The following ZNF385B variants were observed in gnomAD, a reference collection of about 807,000 sequenced individuals.
ZNF385B encodes zinc finger protein 385B.
Under a neutral mutation model 39.2 loss-of-function variants are expected in ZNF385B, and 23 were observed. That is an observed-to-expected ratio of 0.59 (90% confidence interval 0.42 to 0.83). The LOEUF (loss-of-function observed/expected upper bound fraction) is 0.83, where lower values mean the gene tolerates loss of function less well. Ranked by LOEUF, ZNF385B falls within the 40% of genes least tolerant of loss-of-function variation. The pLI is 0.00. For synonymous variants in ZNF385B, 205 were observed against 222.6 expected (o/e 0.92, Z 0.70); for missense variants, 552 against 598.9 (o/e 0.92, Z 0.82).
At chr2:179,471,775 A>G (rs1379872603) in intron 6 of ZNF385B, among the ~76,000 whole-genome samples, 1 of 152,192 alleles carries the variant, frequency 6.6e-6, no homozygotes, top group Non-Finnish European at 1.5e-5. Flanking sequence ...TATAGATTTT[A>G]TAGTTTGAGA....
chr2:179,784,982 T>G (rs1431478816), intron 1 of ZNF385B, among the ~76,000 whole-genome samples: 1 of 152,118 alleles, frequency 6.6e-6, no homozygotes, highest in Admixed American at 6.6e-5. Flanking sequence ...TGGATACATA[T>G]TCACTATAAT....
intron 1 of ZNF385B, among the ~76,000 whole-genome samples, chr2:179,808,488 T>TA (rs1234657716): frequency 6.6e-6 from 1 of 151,962 alleles, no homozygotes; most frequent in African/African-American, 2.4e-5. Flanking sequence ...AGTGCTGGCC[T>TA]AAAAAAAATA....
intron 1 of ZNF385B, among the ~76,000 whole-genome samples, chr2:179,824,051 C>A (rs918954504): frequency 6.6e-6 from 1 of 152,054 alleles, no homozygotes; most frequent in Non-Finnish European, 1.5e-5. Flanking sequence ...ATCTTAGATG[C>A]TGTATTCACC....
At position 179,660,959 on chromosome 2, in the gene ZNF385B, G is replaced by T. The variant is rs533919919; in HGVS notation, c.298+108544C>A. Reference sequence around the variant, plus strand: ...CTCCAATAGATACTATCTTTTACTTGTTATAATGACAGAGTACAGCAGTTT... The same window carrying T: ...CTCCAATAGATACTATCTTTTACTTTTTATAATGACAGAGTACAGCAGTTT... On this transcript the variant is annotated intron_variant, in intron 3 of 9. Transcript: ENST00000410066. Among the ~76,000 whole-genome samples the T allele has an allele frequency of 3.2e-3, 485 of 152,162 alleles. 3 individuals carry two copies. The highest frequency in any genetic ancestry group is 5.9e-3 in the Non-Finnish European group (403 of 67,982).
intron 1 of ZNF385B, among the ~76,000 whole-genome samples, chr2:179,818,605 C>T (rs1320249036): frequency 6.6e-6 from 1 of 152,074 alleles, no homozygotes; most frequent in Non-Finnish European, 1.5e-5. Flanking sequence ...TTGCAAGAAA[C>T]GTTTCAGCTT....
chr2:179,706,528 ATC>A (rs1258367546), intron 3 of ZNF385B, among the ~76,000 whole-genome samples: 3 of 152,180 alleles, frequency 2.0e-5, no homozygotes, highest in African/African-American at 7.2e-5. Flanking sequence ...TGGGCTGGCC[ATC>A]CATGTCTATG....
chr2:179,745,564 T>C (rs1559154619), intron 3 of ZNF385B: 2 of 552,546 alleles, frequency 3.6e-6, no homozygotes, highest in Admixed American at 8.3e-5. Context: ...GAATCATATA[T>C]TTTGCTCTTC....
At chr2:179,776,102 G>T (rs1244294314) in intron 1 of ZNF385B, among the ~76,000 whole-genome samples, 2 of 152,178 alleles carry the variant, frequency 1.3e-5, no homozygotes, top group Non-Finnish European at 2.9e-5. Flanking sequence ...CCTCATATTT[G>T]GGGTCATTCC....
At chr2:179,581,427 G>A (rs1686503619) in intron 3 of ZNF385B, among the ~76,000 whole-genome samples, 1 of 152,180 alleles carries the variant, frequency 6.6e-6, no homozygotes, top group Non-Finnish European at 1.5e-5. Context: ...TAATTTACAA[G>A]AAGATGAGCA....
chr2:179,632,259 C>A (rs1206153903), intron 3 of ZNF385B, among the ~76,000 whole-genome samples: 4 of 152,186 alleles, frequency 2.6e-5, no homozygotes, highest in Non-Finnish European at 5.9e-5. Context: ...TTCTTCTCAG[C>A]ACCACATCAC....
At chr2:179,725,869 A>G (rs1163916952) in intron 3 of ZNF385B, among the ~76,000 whole-genome samples, 1 of 149,354 alleles carries the variant, frequency 6.7e-6, no homozygotes, top group Non-Finnish European at 1.5e-5. Flanking sequence ...TATCTCATAT[A>G]TACATACATG....
chr2:179,729,586 AT>A (rs1701250754), intron 3 of ZNF385B, among the ~76,000 whole-genome samples: 2 of 152,232 alleles, frequency 1.3e-5, no homozygotes, highest in African/African-American at 4.8e-5. Context: ...TGAAGTACTC[AT>A]CTTCACCAAT....
intron 7 of ZNF385B, 90 bp downstream of exon 7, chr2:179,446,435 A>G: frequency 6.7e-7 from 1 of 1,493,826 alleles, no homozygotes; most frequent in East Asian, 2.3e-5. Context: ...GAACAAACCT[A>G]AGGTCTGAAC....
At position 179,484,922 on chromosome 2, in the gene ZNF385B, C is replaced by T. The variant is rs569305365; in HGVS notation, c.553-1488G>A. On this transcript the variant is annotated intron_variant, in intron 5 of 9. Coordinates refer to ENST00000410066, the MANE Select transcript of ZNF385B (RefSeq NM_152520.6). The stretch of plus-strand genomic sequence containing the variant: ...AAGGAAAGTACTGACGCTAGAGTGC[C>T]GGAACAGTGAGGGCTATAGCTGGAG... Among the ~76,000 whole-genome samples, 13 of 151,988 alleles carry T rather than the reference C, an allele frequency of 8.6e-5. No individual in the cohort carries two copies. In the South Asian group the frequency reaches 2.7e-3, roughly 32 times the overall value.
chr2:179,851,794 CAGA>C (rs1380772250), intron 1 of ZNF385B, among the ~76,000 whole-genome samples: 2 of 152,176 alleles, frequency 1.3e-5, no homozygotes, highest in Non-Finnish European at 2.9e-5. Context: ...CTGAAGGACT[CAGA>C]AGAATTGTTA....
chr2:179,813,962 A>T (rs562105238), intron 1 of ZNF385B, among the ~76,000 whole-genome samples: 2 of 152,368 alleles, frequency 1.3e-5, no homozygotes, highest in Admixed American at 6.5e-5. Context: ...AAAGTAGGTT[A>T]AAAAATCCAG....
At chr2:179,826,080 C>G (rs1707666634) in intron 1 of ZNF385B, among the ~76,000 whole-genome samples, 1 of 152,010 alleles carries the variant, frequency 6.6e-6, no homozygotes, top group African/African-American at 2.4e-5. Context: ...AAATGAGAGC[C>G]TAAAATTAGA....
intron 3 of ZNF385B, among the ~76,000 whole-genome samples, chr2:179,634,445 T>C (rs1691541050): frequency 6.6e-6 from 1 of 151,928 alleles, no homozygotes. Flanking sequence ...AACAGACACA[T>C]GAAAAAATGC....
At chr2:179,600,990 A>T (rs1408595796) in intron 3 of ZNF385B, among the ~76,000 whole-genome samples, 1 of 152,236 alleles carries the variant, frequency 6.6e-6, no homozygotes, top group Non-Finnish European at 1.5e-5. Context: ...TTATAAATAT[A>T]TGTGGATAGA....
Sources: gnomAD v4.1 joint callset for allele counts (sites outside exome capture counted in the v4.1 genomes callset) on GRCh38, gnomAD v4.1.1 for gene constraint, MANE v1.5 for transcripts, NCBI Gene and HGNC (gene_info 2026-07-23, HGNC 2026-07-21) for gene names.